The following CCDC192 variants were observed in gnomAD, a reference collection of about 807,000 sequenced individuals.
CCDC192 encodes coiled-coil domain-containing protein 192.
intron 6 of CCDC192, among the ~76,000 whole-genome samples, chr5:127,877,749 C>G (rs1752139919): frequency 6.6e-6 from 1 of 152,120 alleles, no homozygotes; most frequent in Admixed American, 6.5e-5. Flanking sequence ...TACACAATGA[C>G]CCCTATTTAA....
At chr5:127,721,070 A>G (rs940161285) in intron 2 of CCDC192, among the ~76,000 whole-genome samples, 7 of 152,172 alleles carry the variant, frequency 4.6e-5, no homozygotes, top group African/African-American at 1.7e-4. Flanking sequence ...GCTCCTCTTT[A>G]CATATGCAAA....
At chr5:127,936,641 C>T (rs1754194372) in intron 6 of CCDC192, among the ~76,000 whole-genome samples, 1 of 152,152 alleles carries the variant, frequency 6.6e-6, no homozygotes, top group African/African-American at 2.4e-5. Flanking sequence ...TCAGTAGTGG[C>T]GAAAGTGATG....
intron 5 of CCDC192, among the ~76,000 whole-genome samples, chr5:127,828,756 G>A (rs751562032): frequency 3.3e-5 from 5 of 152,170 alleles, no homozygotes; most frequent in Non-Finnish European, 2.9e-5. Context: ...AGGAATAGAG[G>A]TGAGAACATC....
chr5:127,853,257 AT>A (rs2127088601), intron 5 of CCDC192, among the ~76,000 whole-genome samples: 1 of 152,298 alleles, frequency 6.6e-6, no homozygotes, highest in East Asian at 1.9e-4. Flanking sequence ...GCTACCCAGA[AT>A]GGGATCCTCA....
intron 5 of CCDC192, among the ~76,000 whole-genome samples, chr5:127,820,004 T>C (rs1013546828): frequency 6.6e-6 from 1 of 152,170 alleles, no homozygotes; most frequent in African/African-American, 2.4e-5. Context: ...CACGTACATC[T>C]CTAATATTGA....
chr5:127,768,904 A>C (rs1561477724), intron 3 of CCDC192, among the ~76,000 whole-genome samples: 1 of 152,236 alleles, frequency 6.6e-6, no homozygotes, highest in Non-Finnish European at 1.5e-5. Context: ...AATGTTATTT[A>C]CTGCCAGGAA....
At chr5:127,796,042 G>A (rs1757147403) in intron 3 of CCDC192, among the ~76,000 whole-genome samples, 1 of 152,128 alleles carries the variant, frequency 6.6e-6, no homozygotes, top group Non-Finnish European at 1.5e-5. Flanking sequence ...ATAACACAAT[G>A]GCTGTGGAGG....
At position 127,716,700 on chromosome 5, in the gene CCDC192, A is replaced by G. The variant is rs73345005; in HGVS notation, c.114+8940A>G. Among the ~76,000 whole-genome samples the G allele has an allele frequency of 6.8e-3, 1,036 of 152,204 alleles. 8 individuals carry two copies. Among genetic ancestry groups the G allele is most frequent in the African/African-American group, 0.023 (974 of 41,542 alleles). On this transcript the variant is annotated intron_variant, in intron 2 of 6. Coordinates refer to ENST00000514853, the MANE Select transcript of CCDC192 (RefSeq NM_001317938.2). ...ATTTCCCTCAGCTGAGGGAGCTCCA[A>G]TTTACCACAATTACCTGCCCCACCT...
At chr5:127,789,323 C>T (rs564468959) in intron 3 of CCDC192, among the ~76,000 whole-genome samples, 16 of 152,040 alleles carry the variant, frequency 1.1e-4, no homozygotes, top group African/African-American at 2.9e-4. Context: ...CCCTCTTATT[C>T]GAGAAGACAT....
intron 6 of CCDC192, among the ~76,000 whole-genome samples, chr5:127,891,843 A>T (rs1182156980): frequency 6.6e-6 from 1 of 152,194 alleles, no homozygotes. Flanking sequence ...GATGGTATTC[A>T]ACTGATAGTG....
chr5:127,801,538 C>T (rs948902707), intron 5 of CCDC192, among the ~76,000 whole-genome samples: 5 of 152,144 alleles, frequency 3.3e-5, no homozygotes, highest in Non-Finnish European at 5.9e-5. Context: ...TCTTTCTTTA[C>T]ATATCCAGTA....
At chr5:127,879,004 G>A (rs12332194) in intron 6 of CCDC192, among the ~76,000 whole-genome samples, 95,253 of 146,396 alleles carry the variant, frequency 0.65, 30,935 homozygotes, top group Non-Finnish European at 0.68. Context: ...TTGGCTCTCT[G>A]TTTGTCTGTT....
chr5:127,743,884 A>G (rs1198090065), intron 2 of CCDC192, among the ~76,000 whole-genome samples: 1 of 151,982 alleles, frequency 6.6e-6, no homozygotes, highest in Non-Finnish European at 1.5e-5. Context: ...AGGTCGGGAG[A>G]TCGAGACCAT....
At chr5:127,775,325 T>A (rs12653785) in intron 3 of CCDC192, among the ~76,000 whole-genome samples, 41,569 of 152,142 alleles carry the variant, frequency 0.27, 6,485 homozygotes, top group South Asian at 0.43. Context: ...CAACTAGGGA[T>A]AAGCCCCTAT....
chr5:127,780,717 A>C (rs1169104195), intron 3 of CCDC192, among the ~76,000 whole-genome samples: 3 of 152,038 alleles, frequency 2.0e-5, no homozygotes, highest in Admixed American at 6.6e-5. Context: ...TAGATTCTAG[A>C]TATTAGTCCT....
At chr5:127,703,753 C>T (rs1750808005) in intron 1 of CCDC192, among the ~76,000 whole-genome samples, 1 of 152,106 alleles carries the variant, frequency 6.6e-6, no homozygotes, top group Non-Finnish European at 1.5e-5. Context: ...TTGTCCCTTA[C>T]TTGGTCTTCT....
intron 6 of CCDC192, among the ~76,000 whole-genome samples, chr5:127,934,983 T>C (rs1754148718): frequency 6.6e-6 from 1 of 152,224 alleles, no homozygotes; most frequent in Non-Finnish European, 1.5e-5. Context: ...TGGGTGGCTC[T>C]GGTGGAATGA....
At chr5:127,909,451 G>A (rs245156) in intron 6 of CCDC192, among the ~76,000 whole-genome samples, 109,049 of 151,536 alleles carry the variant, frequency 0.72, 39,786 homozygotes, top group African/African-American at 0.86. Flanking sequence ...TTAGATAAAC[G>A]TGTTCTTCAA....
intron 2 of CCDC192, among the ~76,000 whole-genome samples, chr5:127,710,711 G>A (rs1751275691): frequency 2.0e-5 from 3 of 151,978 alleles, no homozygotes; most frequent in African/African-American, 7.3e-5. Context: ...GTGGTGTCTG[G>A]CATCATCATT....
Sources: gnomAD v4.1 joint callset for allele counts (sites outside exome capture counted in the v4.1 genomes callset) on GRCh38, gnomAD v4.1.1 for gene constraint, MANE v1.5 for transcripts, NCBI Gene and HGNC (gene_info 2026-07-23, HGNC 2026-07-21) for gene names.